Variants in KCNK5 observed in about 807,000 individuals in gnomAD.
KCNK5 encodes the protein potassium two pore domain channel subfamily K member 5, also known as potassium channel subfamily K member 5.
KCNK5 carries 18 observed loss-of-function variants against 32.9 expected under a neutral mutation model. That is an observed-to-expected ratio of 0.55 (90% CI 0.38 to 0.81). The LOEUF (loss-of-function observed/expected upper bound fraction) is 0.81. Among genes scored for constraint, KCNK5 ranks in the 30% least tolerant of loss-of-function variants. The pLI, the probability that KCNK5 is intolerant of heterozygous loss-of-function variation, is 0.00. For missense variants in KCNK5, 507 were observed against 651.0 expected, an observed-to-expected ratio of 0.78 and a Z score of 2.41; for synonymous variants, 276 against 275.3, an observed-to-expected ratio of 1.00 and a Z score of -0.03.
Position 39,229,158 on chromosome 6 carries a change from C to A in KCNK5, c.-47G>T. 1 of 1,592,414 alleles carries A rather than the reference C, an allele frequency of 6.3e-7. No homozygotes were observed. On this transcript the variant is annotated 5_prime_UTR_variant, in exon 1 of 5. Coordinates refer to ENST00000359534, the MANE Select transcript of KCNK5 (RefSeq NM_003740.4). The stretch of plus-strand genomic sequence containing the variant: ...TAGAGAAAGCCTCTCCTAGCCCCAG[C>A]TGCTACCAGTCCGCCCGCCCTCCAG...
In KCNK5 at chr6:39,191,149, A is replaced by C; in HGVS notation, c.1241T>G (p.Ile414Ser). ...GAAGGTGATGCTGGCGTCCTGGAAGATGAGTGGGTGGTAGTCCTGGGCGTC... is the reference window on the plus strand; with the variant it reads ...GAAGGTGATGCTGGCGTCCTGGAAGCTGAGTGGGTGGTAGTCCTGGGCGTC... Reference protein sequence around the residue: ...PWDAQDYHPLIFQDASITFVN... With the variant: ...PWDAQDYHPLSFQDASITFVN... The change falls in exon 5 of 5, where the codon ATC (isoleucine) becomes AGC (serine). Residue 414 changes from isoleucine to serine, a missense_variant. Ile to Ser is a moderately radical substitution (Grantham distance 142). This residue lies in a region of KCNK5 where 252 missense variants were observed against 250.8 expected (regional missense o/e 1.00). Coordinates refer to ENST00000359534, the MANE Select transcript of KCNK5 (RefSeq NM_003740.4). The surrounding 1 kb of genome is among the most constrained non-coding windows in gnomAD (Gnocchi z 5.8). 1 of 1,614,178 alleles carries C rather than the reference A, an allele frequency of 6.2e-7. No homozygotes were observed. The highest frequency in any genetic ancestry group is 8.5e-7 in the Non-Finnish European group (1 of 1,180,030).
intron 1 of KCNK5, among the ~76,000 whole-genome samples, chr6:39,208,611 T>C (rs9471002): frequency 0.012 from 1,826 of 152,342 alleles, 40 homozygotes; most frequent in African/African-American, 0.041. Flanking sequence ...GAATAAATTG[T>C]ATAAGAAACT....
At chr6:39,217,251 G>C (rs1214677828) in intron 1 of KCNK5, among the ~76,000 whole-genome samples, 1 of 152,062 alleles carries the variant, frequency 6.6e-6, no homozygotes, top group East Asian at 1.9e-4. Context: ...GGCTGACTGG[G>C]ATCAACGGCA....
chr6:39,193,669 G>A (rs1472190852), intron 4 of KCNK5, among the ~76,000 whole-genome samples: 3 of 152,222 alleles, frequency 2.0e-5, no homozygotes, highest in East Asian at 3.9e-4. Context: ...GGGCAGCTGG[G>A]GAGAAGGCCT....
intron 1 of KCNK5, among the ~76,000 whole-genome samples, chr6:39,217,787 A>G (rs1184937646): frequency 6.6e-6 from 1 of 152,172 alleles, no homozygotes; most frequent in Non-Finnish European, 1.5e-5. Flanking sequence ...GGAGGAGCAA[A>G]GTCCAGGGCT....
intron 1 of KCNK5, among the ~76,000 whole-genome samples, chr6:39,222,275 G>A (rs1416470492): frequency 6.6e-6 from 1 of 152,202 alleles, no homozygotes; most frequent in Admixed American, 6.5e-5. Flanking sequence ...AAGGTCAGTG[G>A]GTTTTTCTGG....
chr6:39,217,360 T>G (rs1771461836), intron 1 of KCNK5, among the ~76,000 whole-genome samples: 7 of 152,052 alleles, frequency 4.6e-5, no homozygotes, highest in Admixed American at 4.6e-4. Context: ...GAGGAGATGC[T>G]GGCGGGTCTT....
chr6:39,203,300 G>T (rs1168798295), intron 1 of KCNK5, among the ~76,000 whole-genome samples: 2 of 152,356 alleles, frequency 1.3e-5, no homozygotes, highest in East Asian at 3.9e-4. Flanking sequence ...TGGAGGAAGG[G>T]ACTGTGGTTC....
rs2113774946 is a variant in KCNK5, at chr6:39,190,178, C to G, written c.*712G>C. The G allele has an allele frequency of 6.6e-6, 1 of 152,418 alleles. No individual in the cohort carries two copies. Among genetic ancestry groups the G allele is most frequent in the South Asian group, 2.1e-4 (1 of 4,820 alleles). 9.4% of individuals were successfully genotyped at this position (152,418 alleles called of 1,614,324 possible). A position where few individuals can be genotyped will look rare whatever the true frequency, so the allele number is the denominator to read the frequency against. On this transcript the variant is annotated 3_prime_UTR_variant, in exon 5 of 5. Coordinates refer to ENST00000359534, the MANE Select transcript of KCNK5 (RefSeq NM_003740.4). ...GCGTCTGCCACTGCTTGACCTGAGACAGGGAACACAGCTCTGGGCTGGGCC... is the reference window on the plus strand; with the variant it reads ...GCGTCTGCCACTGCTTGACCTGAGAGAGGGAACACAGCTCTGGGCTGGGCC...
At chr6:39,215,610 A>G (rs1771418695) in intron 1 of KCNK5, among the ~76,000 whole-genome samples, 2 of 152,230 alleles carry the variant, frequency 1.3e-5, no homozygotes, top group African/African-American at 4.8e-5. Flanking sequence ...GGCATGCTAC[A>G]GAATAACCTG....
At chr6:39,228,654 C>A (rs925840896) in intron 1 of KCNK5, among the ~76,000 whole-genome samples, 1 of 152,176 alleles carries the variant, frequency 6.6e-6, no homozygotes, top group African/African-American at 2.4e-5. Context: ...CACTGAAACA[C>A]CGTGGAGCCT....
intron 1 of KCNK5, among the ~76,000 whole-genome samples, chr6:39,219,010 T>G (rs974915250): frequency 3.9e-5 from 6 of 152,164 alleles, no homozygotes; most frequent in Admixed American, 6.5e-5. Flanking sequence ...ACACACAGTA[T>G]GTGCTTAGTA....
At chr6:39,211,350 G>A (rs1461111712) in intron 1 of KCNK5, among the ~76,000 whole-genome samples, 1 of 152,240 alleles carries the variant, frequency 6.6e-6, no homozygotes, top group African/African-American at 2.4e-5. Context: ...CACGAGGACT[G>A]ACCTGGCAAG....
At chr6:39,208,471 C>T (rs1290265513) in intron 1 of KCNK5, among the ~76,000 whole-genome samples, 1 of 152,218 alleles carries the variant, frequency 6.6e-6, no homozygotes, top group Non-Finnish European at 1.5e-5. Context: ...TCCTGAGAGC[C>T]AACCACCTGT....
rs1375120608 is a variant in KCNK5, at chr6:39,189,586, G to T, written c.*1304C>A. 27 of 152,652 alleles carry T rather than the reference G, an allele frequency of 1.8e-4. No individual in the cohort carries two copies. Among genetic ancestry groups the T allele is most frequent in the Admixed American group, 1.8e-3 (27 of 15,282 alleles). 9.5% of individuals were successfully genotyped at this position (152,652 alleles called of 1,614,324 possible). On this transcript the variant is annotated 3_prime_UTR_variant, in exon 5 of 5. Coordinates refer to ENST00000359534, the MANE Select transcript of KCNK5 (RefSeq NM_003740.4). ...AAACAAAAAATAACAAAAACATTCA[G>T]GACACAGTGGGCCAGCCCCAGGGTG...
chr6:39,192,538 A>G (rs1770960390), intron 4 of KCNK5, among the ~76,000 whole-genome samples: 1 of 152,190 alleles, frequency 6.6e-6, no homozygotes, highest in Non-Finnish European at 1.5e-5. Flanking sequence ...ACACTGGTGG[A>G]TTACAAACAA....
chr6:39,229,005 T>C lies in KCNK5; in HGVS notation c.107A>G (p.Lys36Arg), dbSNP rs368734421. Residue 36 changes from lysine (K) to arginine (R), a missense_variant, in exon 1 of 5, where the codon AAA becomes AGA. This residue lies in a region of KCNK5 where 143 missense variants were observed against 219.1 expected (regional missense o/e 0.65). Transcript: ENST00000359534. ...ATGCAGCTTCTGTGTGTAGTAGTTT[T>C]TCTTGGCCTCCTTCCAGTGTGGCTC... Reference protein sequence around the residue: ...LEEPHWKEAKKNYYTQKLHLL... With the variant: ...LEEPHWKEAKRNYYTQKLHLL... 3.1e-6 allele frequency: 5 copies of C among 1,614,054 alleles called. No individual in the cohort carries two copies. The highest frequency in any genetic ancestry group is 4.2e-6 in the Non-Finnish European group (5 of 1,180,032).
intron 1 of KCNK5, among the ~76,000 whole-genome samples, chr6:39,204,864 A>G (rs974366458): frequency 7.2e-5 from 11 of 152,218 alleles, no homozygotes; most frequent in Admixed American, 7.2e-4. Context: ...CAGAGCCCAG[A>G]GGCACTGCTA....
chr6:39,223,547 C>G (rs1002216307), intron 1 of KCNK5, among the ~76,000 whole-genome samples: 2 of 152,242 alleles, frequency 1.3e-5, no homozygotes, highest in African/African-American at 4.8e-5. Context: ...TCCTACCTCA[C>G]TTCTCTGTAC....
Sources: allele counts gnomAD v4.1 joint callset (sites outside exome capture counted in the v4.1 genomes callset), GRCh38; gene constraint gnomAD v4.1.1; regional missense constraint gnomAD v4.1.1; non-coding constraint Gnocchi (gnomAD v3.1); transcripts MANE v1.5; gene names NCBI Gene and HGNC (gene_info 2026-07-23, HGNC 2026-07-21).